The following ESRP1 variants were observed in gnomAD, a reference collection of about 807,000 sequenced individuals.
ESRP1 encodes epithelial splicing regulatory protein 1.
Under a neutral mutation model 81.7 loss-of-function variants are expected in ESRP1, and 33 were observed. The ratio of observed to expected loss-of-function variants is 0.40; its 90% confidence interval spans 0.31 to 0.54. ESRP1 has a LOEUF of 0.54. Ranked by LOEUF, ESRP1 falls within the 20% of genes least tolerant of loss-of-function variation. The pLI is 0.41. For missense variants in ESRP1, 672 were observed against 833.1 expected, an observed-to-expected ratio of 0.81 and a Z score of 2.38; for synonymous variants, 320 against 303.3, an observed-to-expected ratio of 1.06 and a Z score of -0.57.
intron 11 of ESRP1, among the ~76,000 whole-genome samples, chr8:94,673,617 G>T (rs949585455): frequency 6.6e-6 from 1 of 152,184 alleles, no homozygotes; most frequent in African/African-American, 2.4e-5. Context: ...TTGAAATAGG[G>T]GGTTTTAGCA....
At chr8:94,694,585 C>T (rs145040408) in intron 14 of ESRP1, among the ~76,000 whole-genome samples, 6 of 152,284 alleles carry the variant, frequency 3.9e-5, no homozygotes, top group African/African-American at 1.4e-4. Flanking sequence ...GCCTGGGTGA[C>T]AGAACGAGAC....
intron 6 of ESRP1, among the ~76,000 whole-genome samples, chr8:94,663,585 A>G (rs1818867043): frequency 6.6e-6 from 1 of 152,114 alleles, no homozygotes; most frequent in South Asian, 2.1e-4. Flanking sequence ...ATAGCTGGGG[A>G]GAAGTATGAA....
intron 13 of ESRP1, among the ~76,000 whole-genome samples, chr8:94,690,754 G>A (rs954752530): frequency 2.0e-5 from 3 of 152,164 alleles, no homozygotes; most frequent in African/African-American, 7.2e-5. Context: ...AATAGAATAT[G>A]GCAGGATAAA....
At chr8:94,670,228 A>C (rs1211540260) in intron 10 of ESRP1, among the ~76,000 whole-genome samples, 1 of 152,114 alleles carries the variant, frequency 6.6e-6, no homozygotes, top group Non-Finnish European at 1.5e-5. Context: ...TCTTTTCTTC[A>C]TTACTAGTCA....
intron 1 of ESRP1, 91 bp from the exon 2 acceptor site, chr8:94,641,865 C>G: frequency 6.5e-7 from 1 of 1,549,726 alleles, no homozygotes; most frequent in Admixed American, 1.9e-5. Context: ...AAGAGAGGCG[C>G]GGGCCGCCCC....
intron 13 of ESRP1, among the ~76,000 whole-genome samples, chr8:94,691,539 T>G (rs1809402656): frequency 6.6e-6 from 1 of 152,220 alleles, no homozygotes; most frequent in Admixed American, 6.5e-5. Flanking sequence ...AGGAAAGTGC[T>G]GATCACCCCC....
intron 15 of ESRP1, among the ~76,000 whole-genome samples, chr8:94,698,027 C>T (rs1361080179): frequency 6.6e-6 from 1 of 152,128 alleles, no homozygotes; most frequent in Admixed American, 6.6e-5. Flanking sequence ...GTGATCTGCC[C>T]ACCTCAGCCT....
chr8:94,643,917 T>A (rs1049124358), intron 3 of ESRP1, among the ~76,000 whole-genome samples: 3 of 152,252 alleles, frequency 2.0e-5, no homozygotes, highest in African/African-American at 4.8e-5. Flanking sequence ...AAGTTGTATT[T>A]CTAATCATTT....
intron 4 of ESRP1, among the ~76,000 whole-genome samples, chr8:94,652,593 T>G (rs1818198843): frequency 6.6e-6 from 1 of 152,198 alleles, no homozygotes; most frequent in Non-Finnish European, 1.5e-5. Flanking sequence ...TAAACCCATT[T>G]TTTTCCCCAC....
At chr8:94,690,040 G>A (rs1809325170) in intron 13 of ESRP1, among the ~76,000 whole-genome samples, 2 of 151,436 alleles carry the variant, frequency 1.3e-5, no homozygotes, top group South Asian at 4.2e-4. Context: ...GGATGGTCTC[G>A]ATCTCTTGAC....
intron 4 of ESRP1, among the ~76,000 whole-genome samples, chr8:94,661,371 T>A (rs1818738315): frequency 6.6e-6 from 1 of 152,188 alleles, no homozygotes; most frequent in Non-Finnish European, 1.5e-5. Flanking sequence ...TTAAGGCATG[T>A]ACATTTTTTA....
chr8:94,645,299 G>A (rs969497321), intron 3 of ESRP1, among the ~76,000 whole-genome samples: 1 of 151,984 alleles, frequency 6.6e-6, no homozygotes, highest in Non-Finnish European at 1.5e-5. Context: ...TTTCCTTGAT[G>A]TTCTAATGTA....
At chr8:94,690,882 T>G (rs959121741) in intron 13 of ESRP1, among the ~76,000 whole-genome samples, 4 of 152,184 alleles carry the variant, frequency 2.6e-5, no homozygotes, top group Admixed American at 2.6e-4. Flanking sequence ...CTTGCTATCT[T>G]TCTGAGCAAA....
At chr8:94,678,846 T>A (rs1309644382) in intron 13 of ESRP1, among the ~76,000 whole-genome samples, 1 of 152,196 alleles carries the variant, frequency 6.6e-6, no homozygotes, top group Non-Finnish European at 1.5e-5. Flanking sequence ...AATCCAGAAT[T>A]AGATTATTTA....
intron 4 of ESRP1, among the ~76,000 whole-genome samples, chr8:94,647,577 C>T (rs937691702): frequency 6.6e-6 from 1 of 152,114 alleles, no homozygotes; most frequent in Non-Finnish European, 1.5e-5. Flanking sequence ...TATCTTCTTA[C>T]AAGGTCACTG....
chr8:94,667,822 C>T (rs867676556), intron 9 of ESRP1, 127 bp from the exon 10 acceptor site: 16 of 632,998 alleles, frequency 2.5e-5, no homozygotes, highest in Admixed American at 1.5e-4. Flanking sequence ...TGTTATTTTG[C>T]GTTCAGTAGG....
chr8:94,645,784 C>T (rs1467145930), intron 3 of ESRP1, among the ~76,000 whole-genome samples: 1 of 152,174 alleles, frequency 6.6e-6, no homozygotes, highest in African/African-American at 2.4e-5. Flanking sequence ...TGTGTGAAAA[C>T]TGAAAGGGCT....
Position 94,692,809 on chromosome 8 carries a change from C to T in ESRP1, c.1953C>T (p.Asn651=). The change falls in exon 14 of 16, where the codon AAC becomes AAT. Residue 651 remains asparagine (N), a synonymous_variant. Transcript: ENST00000433389. ...AYNTGVKEIL[N]FFQGYQYATE... The stretch of plus-strand genomic sequence containing the variant: ...ATACTGGAGTTAAGGAAATTCTTAA[C>T]TTCTTCCAAGGTTACCAGGTCAGTA... The T allele has an allele frequency of 6.2e-7, 1 of 1,613,398 alleles. No homozygotes were observed. Among genetic ancestry groups the T allele is most frequent in the Non-Finnish European group, 8.5e-7 (1 of 1,179,624 alleles).
intron 14 of ESRP1, among the ~76,000 whole-genome samples, chr8:94,693,269 A>C (rs1809476647): frequency 1.3e-5 from 2 of 152,196 alleles, no homozygotes; most frequent in South Asian, 4.1e-4. Context: ...AACCTGGAAA[A>C]AAAAAATTGC....
Sources: gnomAD v4.1 joint callset for allele counts (sites outside exome capture counted in the v4.1 genomes callset) on GRCh38, gnomAD v4.1.1 for gene constraint, MANE v1.5 for transcripts, NCBI Gene and HGNC (gene_info 2026-07-23, HGNC 2026-07-21) for gene names.